The following ANAPC1 variants were observed in gnomAD, a reference collection of about 807,000 sequenced individuals.
The protein encoded by ANAPC1 is anaphase-promoting complex subunit 1.
In ANAPC1, 36 loss-of-function variants were observed where a neutral mutation model predicts 208.0. The observed-to-expected ratio is 0.17, with a 90% CI of 0.13 to 0.23. The LOEUF is 0.23. Among genes scored for constraint, ANAPC1 ranks in the 10% least tolerant of loss-of-function variants. The pLI is 1.00. For missense variants in ANAPC1, 942 were observed against 2,011.6 expected (o/e 0.47, Z 10.17); for synonymous variants, 378 against 695.2 (o/e 0.54, Z 7.18).
intron 38 of ANAPC1, among the ~76,000 whole-genome samples, chr2:111,790,752 C>G (rs1188779342): frequency 1.3e-5 from 2 of 151,780 alleles, no homozygotes; most frequent in African/African-American, 2.4e-5. Flanking sequence ...AGTGAAAAGG[C>G]AAACAAGCCC....
At position 111,824,990 on chromosome 2, in the gene ANAPC1, A is replaced by G. The variant is rs1665621455; in HGVS notation, c.2788T>C (p.Leu930=). 2.5e-6 allele frequency: 4 copies of G among 1,613,976 alleles called. No individual in the cohort carries two copies. Among genetic ancestry groups the G allele is most frequent in the Middle Eastern group, 3.3e-4 (2 of 6,056 alleles). The change falls in exon 24 of 48, where the codon TTG becomes CTG. Residue 930 remains leucine (L), a synonymous_variant. Coordinates refer to ENST00000341068, the MANE Select transcript of ANAPC1 (RefSeq NM_022662.4). ...STSVSSLAER[L]VVWMTNVGFT... ...CCTACATTAGTCATCCAGACAACCA[A>G]TCTTTCAGCTAGACTAGAAACAGAT...
chr2:111,782,298 T>A, intron 43 of ANAPC1, 71 bp downstream of exon 43: 1 of 1,595,422 alleles, frequency 6.3e-7, no homozygotes, highest in Non-Finnish European at 8.5e-7. Flanking sequence ...CCTTTGAAGT[T>A]TATAGCAATG....
rs527989552 is a variant in ANAPC1 at position 111,768,226 on chromosome 2, T to C, written c.*1065A>G. 1 of 152,300 alleles carries C rather than the reference T, an allele frequency of 6.6e-6. No individual in the cohort carries two copies. The highest frequency in any genetic ancestry group is 1.5e-5 in the Non-Finnish European group (1 of 68,040). The allele number at this position is 152,300 out of a possible 1,614,324, so 9.4% of individuals were successfully genotyped here. Reference sequence around the variant, plus strand: ...AGCTGGAGGTGCCTTTATATGAACATTTTTCATCATCATCTAGTCCAGAAA... The same window carrying C: ...AGCTGGAGGTGCCTTTATATGAACACTTTTCATCATCATCTAGTCCAGAAA... On this transcript the variant is annotated 3_prime_UTR_variant, in exon 48 of 48. Coordinates refer to ENST00000341068, the MANE Select transcript of ANAPC1 (RefSeq NM_022662.4).
intron 29 of ANAPC1, 58 bp downstream of exon 29, chr2:111,808,889 G>A (rs1406551188): frequency 7.6e-7 from 1 of 1,322,422 alleles, no homozygotes; most frequent in South Asian, 1.2e-5. Flanking sequence ...CTTTTAATTG[G>A]GTTAATGTGG....
chr2:111,840,596 A>G (rs1469751718), intron 17 of ANAPC1, among the ~76,000 whole-genome samples: 2 of 152,218 alleles, frequency 1.3e-5, no homozygotes, highest in East Asian at 3.8e-4. Context: ...TGTACTCATC[A>G]ACAAGTTACA....
chr2:111,853,612 T>C (rs1189282984), intron 13 of ANAPC1, among the ~76,000 whole-genome samples: 5 of 151,850 alleles, frequency 3.3e-5, no homozygotes, highest in Admixed American at 6.6e-5. Flanking sequence ...CCCATGAGGG[T>C]TGGAATCAAC....
At chr2:111,862,810 A>G (rs1341697664) in intron 9 of ANAPC1, among the ~76,000 whole-genome samples, 1 of 152,116 alleles carries the variant, frequency 6.6e-6, no homozygotes, top group Non-Finnish European at 1.5e-5. Context: ...AATTATTATT[A>G]GAAGAACTCA....
chr2:111,807,761 G>A (rs1181259925), intron 29 of ANAPC1, among the ~76,000 whole-genome samples: 1 of 151,652 alleles, frequency 6.6e-6, no homozygotes, highest in Non-Finnish European at 1.5e-5. Flanking sequence ...ATGAATTAAA[G>A]ATGAAATCTT....
intron 25 of ANAPC1, 153 bp from the exon 26 acceptor site, chr2:111,821,606 C>A (rs552524097): frequency 4.9e-6 from 3 of 610,358 alleles, no homozygotes; most frequent in Admixed American, 5.7e-5. Context: ...GCAATGTATA[C>A]TGGGACTCTA....
At chr2:111,853,730 T>C (rs1436448796) in intron 13 of ANAPC1, among the ~76,000 whole-genome samples, 1 of 152,118 alleles carries the variant, frequency 6.6e-6, no homozygotes, top group African/African-American at 2.4e-5. Flanking sequence ...TTTCTTTTTT[T>C]TTTTGAGATG....
In ANAPC1 at chr2:111,823,622, G is replaced by A. The variant is rs144453630; in HGVS notation, c.2813-1022C>T. Among the ~76,000 whole-genome samples, 794 of 152,258 alleles carry A rather than the reference G, an allele frequency of 5.2e-3. 4 individuals are homozygous for A. The highest frequency in any genetic ancestry group is 0.018 in the African/African-American group (767 of 41,528). On this transcript the variant is annotated intron_variant, in intron 24 of 47. Coordinates refer to ENST00000341068, the MANE Select transcript of ANAPC1 (RefSeq NM_022662.4). Reference sequence around the variant, plus strand: ...TATCAGAGAAAATGAATGGCCCGCTGCTACTGCTACATGAGTCGACATGGA... The same window carrying A: ...TATCAGAGAAAATGAATGGCCCGCTACTACTGCTACATGAGTCGACATGGA...
Position 111,879,630 on chromosome 2 carries a change from G to T in ANAPC1, c.214-659C>A, listed in dbSNP as rs558183269. Among the ~76,000 whole-genome samples, 6 of 152,296 alleles carry T rather than the reference G, an allele frequency of 3.9e-5. No homozygotes were observed. In the South Asian group the frequency reaches 1.2e-3, roughly 32 times the overall value. On this transcript the variant is annotated intron_variant, in intron 2 of 47. Coordinates refer to ENST00000341068, the MANE Select transcript of ANAPC1 (RefSeq NM_022662.4). ...TCACGCCTGTAATCCCAGCACTTTG[G>T]GAAGCCGTGGCAGGTGGATCACCTG...
At chr2:111,777,897 T>C (rs1399554073) in intron 45 of ANAPC1, among the ~76,000 whole-genome samples, 1 of 152,228 alleles carries the variant, frequency 6.6e-6, no homozygotes, top group Non-Finnish European at 1.5e-5. Flanking sequence ...GTGAACTTAC[T>C]ATATTCACTT....
chr2:111,767,600 T>C (rs1423250172), downstream of ANAPC1: 1 of 149,412 alleles, frequency 6.7e-6, no homozygotes, highest in African/African-American at 2.5e-5. Flanking sequence ...TAAAAGCTGT[T>C]CTCCCTTAGG....
intron 24 of ANAPC1, among the ~76,000 whole-genome samples, chr2:111,823,976 T>A (rs1213104044): frequency 7.7e-6 from 1 of 130,614 alleles, no homozygotes; most frequent in Admixed American, 8.1e-5. Context: ...ATTTTGTAAG[T>A]ATACCATATT....
intron 13 of ANAPC1, among the ~76,000 whole-genome samples, chr2:111,855,954 G>A (rs568795972): frequency 3.9e-5 from 6 of 152,160 alleles, no homozygotes; most frequent in Non-Finnish European, 5.9e-5. Flanking sequence ...TACAGCTAGC[G>A]GCTGGGCGCG....
chr2:111,866,760 A>G (rs1460458944), intron 7 of ANAPC1, among the ~76,000 whole-genome samples: 3 of 151,308 alleles, frequency 2.0e-5, no homozygotes, highest in African/African-American at 7.3e-5. Context: ...GACTAAAAAC[A>G]GACTATTCTC....
At chr2:111,791,101 T>TA (rs1677851620) in intron 38 of ANAPC1, among the ~76,000 whole-genome samples, 1 of 150,782 alleles carries the variant, frequency 6.6e-6, no homozygotes, top group African/African-American at 2.5e-5. Flanking sequence ...TAGATAAATA[T>TA]AAAAACTGGG....
rs1683479457 is a variant in ANAPC1, at chr2:111,884,049, G to A, written c.-132C>T. On this transcript the variant is annotated 5_prime_UTR_variant, in exon 1 of 48. Coordinates refer to ENST00000341068, the MANE Select transcript of ANAPC1 (RefSeq NM_022662.4). ...GGCGGGGTCCTTCACAGTGACTCTT[G>A]GGCCGCAGCAGCTTCTCATTCCCTC... The A allele has an allele frequency of 6.6e-6, 1 of 152,318 alleles. No individual in the cohort carries two copies. Among genetic ancestry groups the A allele is most frequent in the Non-Finnish European group, 1.5e-5 (1 of 68,132 alleles). 9.4% of individuals were successfully genotyped at this position (152,318 alleles called of 1,614,324 possible).
Sources: gnomAD v4.1 joint callset for allele counts (sites outside exome capture counted in the v4.1 genomes callset) on GRCh38, gnomAD v4.1.1 for gene constraint, MANE v1.5 for transcripts, NCBI Gene and HGNC (gene_info 2026-07-23, HGNC 2026-07-21) for gene names.